The following ARHGAP22 variants were observed in gnomAD, a reference collection of about 807,000 sequenced individuals.
The protein encoded by ARHGAP22 is rho GTPase-activating protein 22.
ARHGAP22 carries 48 observed loss-of-function variants against 59.1 expected under a neutral mutation model. The ratio of observed to expected loss-of-function variants is 0.81; its 90% CI spans 0.64 to 1.03. ARHGAP22 has a LOEUF of 1.03. ARHGAP22 is among the 50% of genes least tolerant of loss of function. The pLI is 0.00. For synonymous variants in ARHGAP22, 445 were observed against 416.4 expected, an observed-to-expected ratio of 1.07 and a Z score of -0.84; for missense variants, 1,015 against 958.7, an observed-to-expected ratio of 1.06 and a Z score of -0.78.
Position 48,527,571 on chromosome 10 carries a change from C to A in ARHGAP22, c.322+27892G>T, listed in dbSNP as rs374070283. On this transcript the variant is annotated intron_variant, in intron 3 of 9. Coordinates refer to ENST00000249601, the MANE Select transcript of ARHGAP22 (RefSeq NM_021226.4). ...TGAATGGATGTGTTCCATAGGTGAA[C>A]AGAAGGAAGGATGATGGATGGTTTA... 7.2e-5 allele frequency among the ~76,000 whole-genome samples: 11 copies of A among 152,126 alleles called. No individual in the cohort carries two copies. In the East Asian group the frequency reaches 1.9e-3, roughly 27 times the overall value.
intron 1 of ARHGAP22, among the ~76,000 whole-genome samples, chr10:48,584,240 G>A (rs1366821094): frequency 6.6e-6 from 1 of 152,214 alleles, no homozygotes; most frequent in African/African-American, 2.4e-5. Flanking sequence ...GATTCTGTGT[G>A]TGTGGGTGTA....
At chr10:48,598,531 C>T (rs1589087219) in intron 1 of ARHGAP22, among the ~76,000 whole-genome samples, 1 of 152,164 alleles carries the variant, frequency 6.6e-6, no homozygotes, top group East Asian at 1.9e-4. Flanking sequence ...AACAAAGGCC[C>T]CTGTGTCTCC....
At chr10:48,459,528 G>A (rs974863179) in intron 5 of ARHGAP22, among the ~76,000 whole-genome samples, 156 bp downstream of exon 5, 10 of 152,190 alleles carry the variant, frequency 6.6e-5, no homozygotes, top group African/African-American at 1.4e-4. Context: ...CCGGGCTGGC[G>A]GAGTGAGGGT....
intron 3 of ARHGAP22, among the ~76,000 whole-genome samples, chr10:48,521,285 A>G (rs998850384): frequency 6.6e-6 from 1 of 152,126 alleles, no homozygotes; most frequent in African/African-American, 2.4e-5. Context: ...TCCCGGACCC[A>G]CTGTGCCCAC....
intron 2 of ARHGAP22, among the ~76,000 whole-genome samples, chr10:48,572,099 G>A (rs544310313): frequency 9.2e-5 from 14 of 152,196 alleles, no homozygotes; most frequent in Non-Finnish European, 1.3e-4. Context: ...CACCACATCC[G>A]ACCAGCAATA....
At chr10:48,619,215 G>A (rs2061198619) in intron 1 of ARHGAP22, among the ~76,000 whole-genome samples, 3 of 151,992 alleles carry the variant, frequency 2.0e-5, no homozygotes, top group Admixed American at 2.0e-4. Context: ...AAATAGAAAG[G>A]CATCACATAG....
At chr10:48,592,126 T>C (rs1317512676) in intron 1 of ARHGAP22, among the ~76,000 whole-genome samples, 1 of 152,154 alleles carries the variant, frequency 6.6e-6, no homozygotes, top group Admixed American at 6.5e-5. Flanking sequence ...CATGGTTAGC[T>C]TCTCTTTTAT....
intron 1 of ARHGAP22, among the ~76,000 whole-genome samples, chr10:48,634,486 T>C (rs1350357473): frequency 2.6e-5 from 4 of 152,170 alleles, no homozygotes; most frequent in Admixed American, 2.6e-4. Flanking sequence ...GAAACCATTG[T>C]AGGAAACTGG....
At chr10:48,584,764 G>A (rs899713867) in intron 1 of ARHGAP22, among the ~76,000 whole-genome samples, 2 of 152,232 alleles carry the variant, frequency 1.3e-5, no homozygotes, top group East Asian at 3.8e-4. Context: ...GGAGGCCAAG[G>A]CGGGCGGATC....
intron 2 of ARHGAP22, among the ~76,000 whole-genome samples, chr10:48,566,486 C>A (rs557008134): frequency 3.5e-4 from 53 of 152,294 alleles, no homozygotes; most frequent in Admixed American, 5.9e-4. Context: ...TAATTGAGTT[C>A]TTGGTAAAGG....
intron 4 of ARHGAP22, 80 bp downstream of exon 4, chr10:48,479,556 T>C (rs1296130169): frequency 1.2e-6 from 2 of 1,608,690 alleles, no homozygotes; most frequent in Non-Finnish European, 1.7e-6. Flanking sequence ...GCAGGGTCTT[T>C]GGGGCTCAGG....
At chr10:48,495,946 C>G (rs1054239381) in intron 3 of ARHGAP22, among the ~76,000 whole-genome samples, 1 of 152,124 alleles carries the variant, frequency 6.6e-6, no homozygotes, top group Non-Finnish European at 1.5e-5. Flanking sequence ...CCTCAAGGGA[C>G]TGTCCCTTAC....
chr10:48,598,117 G>A (rs542484533), intron 1 of ARHGAP22, among the ~76,000 whole-genome samples: 5 of 152,248 alleles, frequency 3.3e-5, no homozygotes, highest in African/African-American at 4.8e-5. Flanking sequence ...TGTTCTGAGT[G>A]TCTAAGAGCA....
At chr10:48,562,779 T>A (rs116585405) in intron 2 of ARHGAP22, among the ~76,000 whole-genome samples, 2,461 of 152,316 alleles carry the variant, frequency 0.016, 78 homozygotes, top group African/African-American at 0.056. Context: ...TATGTGCAGT[T>A]CATTGTATGT....
chr10:48,432,983 C>G, the ARHGAP22 span, among the ~76,000 whole-genome samples: 2 of 152,136 alleles, frequency 1.3e-5, no homozygotes, highest in South Asian at 2.1e-4. Context: ...ACCATTTCCA[C>G]TTGATTTTTA....
At chr10:48,438,656 C>G in the ARHGAP22 span, 1 of 152,126 alleles carries the variant, frequency 6.6e-6, no homozygotes, top group Non-Finnish European at 1.5e-5. Flanking sequence ...CTATGCTTTC[C>G]CAAGTAAGCT....
chr10:48,536,533 T>G (rs1377676057), intron 3 of ARHGAP22, among the ~76,000 whole-genome samples: 2 of 152,200 alleles, frequency 1.3e-5, no homozygotes, highest in East Asian at 3.9e-4. Flanking sequence ...TCACTCAACC[T>G]CCAGTGCCTC....
chr10:48,462,894 T>A (rs1165565701), intron 4 of ARHGAP22, among the ~76,000 whole-genome samples: 1 of 152,184 alleles, frequency 6.6e-6, no homozygotes, highest in African/African-American at 2.4e-5. Flanking sequence ...CTTTCCACCA[T>A]CCCAAGAGTG....
chr10:48,594,607 G>A (rs2059955856), intron 1 of ARHGAP22, among the ~76,000 whole-genome samples: 1 of 152,134 alleles, frequency 6.6e-6, no homozygotes, highest in Non-Finnish European at 1.5e-5. Context: ...GGGGTGGGTG[G>A]TGGTTTCTCA....
Sources: gnomAD v4.1 joint callset for allele counts (sites outside exome capture counted in the v4.1 genomes callset) on GRCh38, gnomAD v4.1.1 for gene constraint, MANE v1.5 for transcripts, NCBI Gene and HGNC (gene_info 2026-07-23, HGNC 2026-07-21) for gene names.